Variants in PLCB1 observed in about 807,000 individuals in gnomAD.
The protein encoded by PLCB1 is 1-phosphatidylinositol 4,5-bisphosphate phosphodiesterase beta-1.
Under a neutral mutation model 161.8 loss-of-function variants are expected in PLCB1, and 46 were observed. That is an observed-to-expected ratio of 0.28 (90% CI 0.22 to 0.36). PLCB1 has a LOEUF of 0.36. Ranked by LOEUF, PLCB1 falls within the 10% of genes least tolerant of loss-of-function variation. The pLI is 1.00. For synonymous variants in PLCB1, 517 were observed against 503.7 expected (o/e 1.03, Z -0.35); for missense variants, 1,016 against 1,472.5 (o/e 0.69, Z 5.07).
At position 8,733,398 on chromosome 20, in the gene PLCB1, T is replaced by C. The variant is rs1980375971; in HGVS notation, c.2043+6T>C. On this transcript the variant is annotated splice_donor_region_variant and intron_variant, in intron 19 of 31. Transcript: ENST00000338037. ...CAAACACTTTGTCTGTTAAGGTAGGTATACCCCATCACAAAATTGTTCCTA... is the reference window on the plus strand; with the variant it reads ...CAAACACTTTGTCTGTTAAGGTAGGCATACCCCATCACAAAATTGTTCCTA... 1 of 1,612,356 alleles carries C rather than the reference T, an allele frequency of 6.2e-7. No individual in the cohort carries two copies.
chr20:8,269,071 G>A (rs1265314374), intron 2 of PLCB1, among the ~76,000 whole-genome samples: 1 of 151,852 alleles, frequency 6.6e-6, no homozygotes, highest in Non-Finnish European at 1.5e-5. Flanking sequence ...GAGAATTTAT[G>A]AAGAACTTTT....
chr20:8,657,311 C>G (rs771347384), intron 8 of PLCB1, 27 bp downstream of exon 8: 1 of 1,334,370 alleles, frequency 7.5e-7, no homozygotes, highest in East Asian at 2.3e-5. Context: ...TAAGCCATAT[C>G]TTTTTCAGCT....
At chr20:8,653,999 T>TA (rs1225048833) in intron 7 of PLCB1, among the ~76,000 whole-genome samples, 1 of 152,132 alleles carries the variant, frequency 6.6e-6, no homozygotes, top group African/African-American at 2.4e-5. Context: ...CTATGTTTGA[T>TA]ATACTGTAAA....
chr20:8,349,544 C>A (rs935058240), intron 2 of PLCB1, among the ~76,000 whole-genome samples: 1 of 152,178 alleles, frequency 6.6e-6, no homozygotes, highest in Non-Finnish European at 1.5e-5. Flanking sequence ...AAGGAGCTGT[C>A]TGAATAATTG....
At chr20:8,651,345 A>C in intron 7 of PLCB1, 1 of 678,774 alleles carries the variant, frequency 1.5e-6, no homozygotes, top group Non-Finnish European at 2.7e-6. Flanking sequence ...AGCAAAGTTC[A>C]TTAACAACTT....
At chr20:8,632,132 G>T (rs1233082905) in intron 4 of PLCB1, among the ~76,000 whole-genome samples, 1 of 121,512 alleles carries the variant, frequency 8.2e-6, no homozygotes, top group Admixed American at 9.7e-5. Context: ...CCATAATTTT[G>T]ACTCTTTTTG....
intron 31 of PLCB1, among the ~76,000 whole-genome samples, chr20:8,866,782 CACA>C (rs959017334): frequency 4.6e-5 from 7 of 152,102 alleles, no homozygotes; most frequent in African/African-American, 1.7e-4. Flanking sequence ...AGAATTCAAG[CACA>C]ACAAGCAGGC....
intron 3 of PLCB1, among the ~76,000 whole-genome samples, chr20:8,406,331 C>T (rs1242968681): frequency 6.6e-6 from 1 of 152,108 alleles, no homozygotes; most frequent in Admixed American, 6.5e-5. Flanking sequence ...TTACTAGTGT[C>T]AGTGTACAAG....
chr20:8,652,093 A>G (rs1989337711), intron 7 of PLCB1: 1 of 152,260 alleles, frequency 6.6e-6, no homozygotes, highest in Non-Finnish European at 1.5e-5. Flanking sequence ...TAATTTTCTA[A>G]ACAACTGGAT....
intron 3 of PLCB1, among the ~76,000 whole-genome samples, chr20:8,534,027 G>A (rs1984940420): frequency 6.6e-6 from 1 of 152,106 alleles, no homozygotes; most frequent in Admixed American, 6.6e-5. Context: ...AATCCATCTT[G>A]AATTAATTTT....
At chr20:8,396,604 G>A (rs1987774458) in intron 3 of PLCB1, among the ~76,000 whole-genome samples, 1 of 152,014 alleles carries the variant, frequency 6.6e-6, no homozygotes, top group African/African-American at 2.4e-5. Flanking sequence ...AAGAGTAACA[G>A]CAAGTGAGTC....
chr20:8,676,754 A>G (rs1990088387), intron 9 of PLCB1, among the ~76,000 whole-genome samples: 1 of 152,210 alleles, frequency 6.6e-6, no homozygotes, highest in Non-Finnish European at 1.5e-5. Context: ...TAGTCTGCCA[A>G]CTTGAAATAT....
chr20:8,142,120 G>A (rs1329071334), intron 1 of PLCB1, among the ~76,000 whole-genome samples: 3 of 152,134 alleles, frequency 2.0e-5, no homozygotes, highest in East Asian at 1.9e-4. Flanking sequence ...TTTCCCTAGG[G>A]GAGAGCATAG....
intron 15 of PLCB1, among the ~76,000 whole-genome samples, chr20:8,724,283 A>G (rs1174995248): frequency 3.9e-5 from 6 of 152,130 alleles, no homozygotes; most frequent in Non-Finnish European, 8.8e-5. Context: ...AAGATGAGCT[A>G]TAGCTCAGTG....
chr20:8,766,812 G>A (rs942485242), intron 26 of PLCB1, among the ~76,000 whole-genome samples: 3 of 152,154 alleles, frequency 2.0e-5, no homozygotes, highest in Non-Finnish European at 4.4e-5. Context: ...AGCAGCACCA[G>A]GTGATGCTGA....
intron 27 of PLCB1, among the ~76,000 whole-genome samples, chr20:8,782,225 A>G (rs1368051354): frequency 6.6e-6 from 1 of 152,146 alleles, no homozygotes; most frequent in Non-Finnish European, 1.5e-5. Context: ...TGAAAAGAGA[A>G]GGGAGCTAGT....
At chr20:8,187,398 C>T (rs1020769715) in intron 2 of PLCB1, among the ~76,000 whole-genome samples, 6 of 152,126 alleles carry the variant, frequency 3.9e-5, no homozygotes, top group East Asian at 1.9e-4. Flanking sequence ...TCCAACCAGC[C>T]ACCATGTCCT....
rs572302961 is a variant in PLCB1 at position 8,401,596 on chromosome 20, A to G, written c.246+30146A>G. Among the ~76,000 whole-genome samples, 40 of 152,360 alleles carry G rather than the reference A, an allele frequency of 2.6e-4. 1 individual carries two copies. The highest frequency in any genetic ancestry group is 5.4e-4 in the Non-Finnish European group (37 of 68,026). ...CAGTGGAATAACACATCAAAAATAC[A>G]TCTCTTGCTCAAACCATCTGCTGAA... On this transcript the variant is annotated intron_variant, in intron 3 of 31. Transcript: ENST00000338037.
rs6056211 is a variant in PLCB1, at chr20:8,861,684, C to T, written c.3424-19938C>T. Among the ~76,000 whole-genome samples the T allele has an allele frequency of 5.9e-3, 825 of 140,352 alleles. 8 individuals are homozygous for T. Among genetic ancestry groups the T allele is most frequent in the African/African-American group, 0.021 (760 of 36,838 alleles). 92.1% of individuals were successfully genotyped at this position (140,352 alleles called of 152,430 possible). A position where few individuals can be genotyped will look rare whatever the true frequency, so the allele number is the denominator to read the frequency against. On this transcript the variant is annotated intron_variant, in intron 31 of 31. Coordinates refer to ENST00000338037, the MANE Select transcript of PLCB1 (RefSeq NM_015192.4). ...GGCGGAGCTTGCAGTGAGGTGAGAT[C>T]GTGCCACTGCACTCCAGCCTGGTGA...
Sources: gnomAD v4.1 joint callset for allele counts (sites outside exome capture counted in the v4.1 genomes callset) on GRCh38, gnomAD v4.1.1 for gene constraint, MANE v1.5 for transcripts, NCBI Gene and HGNC (gene_info 2026-07-23, HGNC 2026-07-21) for gene names.